Variants in SLC30A9 observed in about 807,000 individuals in gnomAD.
SLC30A9 encodes proton-coupled zinc antiporter SLC30A9, mitochondrial.
SLC30A9 carries 58 observed loss-of-function variants against 87.5 expected under a neutral mutation model. The observed-to-expected ratio is 0.66, with a 90% CI of 0.54 to 0.82. The LOEUF is 0.82. SLC30A9 is among the 40% of genes least tolerant of loss of function. The probability of loss-of-function intolerance (pLI) is 0.00; values close to 1 mark genes in which losing one functional copy is unlikely to be tolerated. For synonymous variants in SLC30A9, 234 were observed against 233.0 expected (o/e 1.00, Z -0.04); for missense variants, 557 against 679.1 (o/e 0.82, Z 2.00).
intron 6 of SLC30A9, among the ~76,000 whole-genome samples, chr4:42,028,141 C>T (rs537225756): frequency 1.1e-4 from 17 of 152,238 alleles, no homozygotes; most frequent in African/African-American, 3.1e-4. Context: ...ATTTTTGAGA[C>T]GGAGTCTCAC....
intron 1 of SLC30A9, among the ~76,000 whole-genome samples, chr4:41,998,473 T>TTG (rs1553914103): frequency 3.1e-4 from 42 of 136,268 alleles, no homozygotes; most frequent in South Asian, 9.2e-4. Flanking sequence ...TTTTTTTTTG[T>TTG]TTGTTTTTGA....
At chr4:42,024,145 G>A (rs1002078149) in intron 6 of SLC30A9, among the ~76,000 whole-genome samples, 2 of 152,118 alleles carry the variant, frequency 1.3e-5, no homozygotes. Flanking sequence ...TCCAATACCC[G>A]CTATGAACAA....
At chr4:42,049,580 G>A in intron 9 of SLC30A9, 101 bp downstream of exon 9, 1 of 563,314 alleles carries the variant, frequency 1.8e-6, no homozygotes, top group Non-Finnish European at 3.0e-6. Flanking sequence ...TCCAGTAGTT[G>A]GCTTGTGGGA....
rs1718992458 is a variant in SLC30A9, at chr4:42,088,270, T to C, written c.*2144T>C. The C allele has an allele frequency of 1.3e-5, 2 of 152,112 alleles. No homozygotes were observed. The highest frequency in any genetic ancestry group is 4.1e-4 in the South Asian group (2 of 4,828). 9.4% of individuals were successfully genotyped at this position (152,112 alleles called of 1,614,324 possible). The stretch of plus-strand genomic sequence containing the variant: ...TTCAAATCAGAGAATTTGGGCTGGA[T>C]ATGGTGGCTTATGCCTGTAATCCCA... On this transcript the variant is annotated 3_prime_UTR_variant, in exon 18 of 18. Transcript: ENST00000264451.
chr4:42,006,477 A>G (rs1715206147), intron 2 of SLC30A9, among the ~76,000 whole-genome samples: 1 of 152,096 alleles, frequency 6.6e-6, no homozygotes, highest in Non-Finnish European at 1.5e-5. Context: ...ACTTGAGCCC[A>G]GGAGTTCGAG....
At chr4:42,050,995 T>C (rs1244998057) in intron 9 of SLC30A9, among the ~76,000 whole-genome samples, 1 of 152,306 alleles carries the variant, frequency 6.6e-6, no homozygotes, top group East Asian at 1.9e-4. Flanking sequence ...TTTCCTTGAA[T>C]TGAATGTTTG....
chr4:42,085,483 C>CA (rs1314921519), intron 17 of SLC30A9, among the ~76,000 whole-genome samples: 3 of 152,198 alleles, frequency 2.0e-5, no homozygotes, highest in Non-Finnish European at 4.4e-5. Context: ...TTTTAAAACA[C>CA]ACATACATGT....
At chr4:42,039,420 T>A (rs1230445206) in intron 8 of SLC30A9, among the ~76,000 whole-genome samples, 1 of 152,052 alleles carries the variant, frequency 6.6e-6, no homozygotes, top group East Asian at 1.9e-4. Flanking sequence ...TTATTCCACT[T>A]ATCTTGGAAG....
intron 1 of SLC30A9, among the ~76,000 whole-genome samples, chr4:42,001,276 G>C (rs972715095): frequency 3.9e-5 from 6 of 151,980 alleles, no homozygotes; most frequent in Non-Finnish European, 8.8e-5. Flanking sequence ...AAGTCTTCCT[G>C]ACCTTCCCTC....
intron 1 of SLC30A9, among the ~76,000 whole-genome samples, chr4:41,997,061 T>TAAATAAATAAATAAATAAAA (rs1317980186): frequency 1.4e-5 from 2 of 146,574 alleles, no homozygotes; most frequent in Non-Finnish European, 3.0e-5. Flanking sequence ...AATAAATAAA[T>TAAATAAATAAATAAATAAAA]AAAAATGAAA....
rs200715196 is a variant in SLC30A9 at position 42,075,694 on chromosome 4, G to A, written c.1456G>A (p.Gly486Ser). The stretch of plus-strand genomic sequence containing the variant: ...TGTTAAAGCCACAGATCTGGGATTA[G>A]GTAAAGTAAGATTTAAGGCAGAAGT... ...HDVKATDLGLGKVRFKAEVDF... is the reference protein window; with the variant it reads ...HDVKATDLGLSKVRFKAEVDF... Residue 486 changes from glycine to serine, a missense_variant, in exon 16 of 18, where the codon GGT (glycine) becomes AGT (serine). By Grantham distance (56) the Gly-to-Ser change is moderately conservative. This residue lies in a region of SLC30A9 where 90 missense variants were observed against 149.4 expected (regional missense o/e 0.60). Transcript: ENST00000264451. 46 of 1,613,550 alleles carry A rather than the reference G, an allele frequency of 2.9e-5. No individual in the cohort carries two copies. Among genetic ancestry groups the A allele is most frequent in the Non-Finnish European group, 3.6e-5 (43 of 1,179,792 alleles).
At chr4:42,049,550 C>A in intron 9 of SLC30A9, 71 bp downstream of exon 9, 2 of 834,862 alleles carry the variant, frequency 2.4e-6, no homozygotes, top group South Asian at 2.2e-5. Flanking sequence ...AAAAGTTGAT[C>A]TATTTTAAAA....
At chr4:42,080,348 G>T (rs1411831966) in intron 17 of SLC30A9, among the ~76,000 whole-genome samples, 1 of 152,172 alleles carries the variant, frequency 6.6e-6, no homozygotes, top group African/African-American at 2.4e-5. Flanking sequence ...TCATGGTTTG[G>T]TTTATTACAG....
Position 42,080,817 on chromosome 4 carries a change from A to G in SLC30A9, c.1662+2492A>G, listed in dbSNP as rs143387306. 3.6e-3 allele frequency among the ~76,000 whole-genome samples: 552 copies of G among 152,342 alleles called. 3 individuals carry two copies. The highest frequency in any genetic ancestry group is 0.013 in the African/African-American group (529 of 41,580). ...CTGTTATATTAAAATCTGTTGGTCT[A>G]TTTTTATACTCTGAATGAATCTTTT... On this transcript the variant is annotated intron_variant, in intron 17 of 17. Transcript: ENST00000264451.
intron 16 of SLC30A9, among the ~76,000 whole-genome samples, chr4:42,077,547 G>T (rs898341671): frequency 6.6e-6 from 1 of 152,078 alleles, no homozygotes; most frequent in South Asian, 2.1e-4. Flanking sequence ...AGGATTACAG[G>T]TGCCTGTGAC....
At chr4:42,070,828 T>C (rs1718285711) in intron 15 of SLC30A9, 137 bp downstream of exon 15, 1 of 597,128 alleles carries the variant, frequency 1.7e-6, no homozygotes, top group South Asian at 4.0e-5. Flanking sequence ...CTTTTCAGAA[T>C]TATAATCCTG....
intron 14 of SLC30A9, among the ~76,000 whole-genome samples, chr4:42,069,838 A>G (rs546883390): frequency 6.6e-6 from 1 of 152,336 alleles, no homozygotes; most frequent in South Asian, 2.1e-4. Context: ...GGCTTGGGGA[A>G]ACACAGAATG....
chr4:42,067,174 G>A lies in SLC30A9; in HGVS notation c.1234G>A (p.Gly412Ser). Residue 412 changes from glycine to serine, a missense_variant, in exon 14 of 18, where the codon GGC becomes AGC. Transcript: ENST00000264451. The stretch of plus-strand genomic sequence containing the variant: ...AGTTATAATAGCAGCCACTTGCATG[G>A]GCCTTACTTCTATAACAGGTAAATA... ...LGVIIAATCMGLTSITGNPLY... is the reference protein window; with the variant it reads ...LGVIIAATCMSLTSITGNPLY... The A allele has an allele frequency of 6.3e-7, 1 of 1,597,956 alleles. No individual in the cohort carries two copies. The highest frequency in any genetic ancestry group is 1.1e-5 in the South Asian group (1 of 90,728).
rs926410066 is a variant in SLC30A9 at position 42,088,170 on chromosome 4, CAT to C, written c.*2046_*2047del. ...TAAAGTTTGTTTATGTAAAATAAGA[CAT>C]AAAGGAGTACAACATATCAAGGAAT... On this transcript the variant is annotated 3_prime_UTR_variant, in exon 18 of 18. Coordinates refer to ENST00000264451, the MANE Select transcript of SLC30A9 (RefSeq NM_006345.4). 1 of 152,022 alleles carries C rather than the reference CAT, an allele frequency of 6.6e-6. No individual in the cohort carries two copies. The highest frequency in any genetic ancestry group is 2.4e-5 in the African/African-American group (1 of 41,372). 9.4% of individuals were successfully genotyped at this position (152,022 alleles called of 1,614,324 possible). A position where few individuals can be genotyped will look rare whatever the true frequency, so the allele number is the denominator to read the frequency against.
Sources: allele counts gnomAD v4.1 joint callset (sites outside exome capture counted in the v4.1 genomes callset), GRCh38; gene constraint gnomAD v4.1.1; regional missense constraint gnomAD v4.1.1; transcripts MANE v1.5; gene names NCBI Gene and HGNC (gene_info 2026-07-23, HGNC 2026-07-21).